MYOF: variants seen among roughly 807,000 people sequenced by gnomAD.
MYOF encodes the protein myoferlin.
Under a neutral mutation model 284.2 loss-of-function variants are expected in MYOF, and 244 were observed. The ratio of observed to expected loss-of-function variants is 0.86; its 90% CI spans 0.77 to 0.95. The LOEUF (loss-of-function observed/expected upper bound fraction) is 0.95, where lower values mean the gene tolerates loss of function less well. MYOF is among the 40% of genes least tolerant of loss of function. MYOF has a pLI of 0.00. For synonymous variants in MYOF, 904 were observed against 919.7 expected (o/e 0.98, Z 0.31); for missense variants, 2,496 against 2,560.6 (o/e 0.97, Z 0.54).
At chr10:93,437,853 G>A (rs182963845) in intron 3 of MYOF, among the ~76,000 whole-genome samples, 6 of 152,202 alleles carry the variant, frequency 3.9e-5, no homozygotes, top group Admixed American at 3.3e-4. Context: ...CTGATCCCCC[G>A]CCAAAAGGCA....
intron 50 of MYOF, 103 bp from the exon 51 acceptor site, chr10:93,313,313 T>G: frequency 9.0e-7 from 1 of 1,109,052 alleles, no homozygotes; most frequent in East Asian, 2.5e-5. Flanking sequence ...ACACAGTGAT[T>G]TTGAACAGGT....
Position 93,402,362 on chromosome 10 carries a change from G to T in MYOF, c.875-15C>A. The T allele has an allele frequency of 1.3e-6, 2 of 1,585,542 alleles. No individual in the cohort carries two copies. Among genetic ancestry groups the T allele is most frequent in the African/African-American group, 1.3e-5 (1 of 74,414 alleles). On this transcript the variant is annotated splice_polypyrimidine_tract_variant and intron_variant, in intron 10 of 53. Transcript: ENST00000359263. ...GACAGCATGGCCTAAAATAGAGAAG[G>T]AGTAAAAGGAAATGGACATGCTAAA...
intron 29 of MYOF, among the ~76,000 whole-genome samples, chr10:93,358,080 C>G (rs560802073): frequency 6.6e-6 from 1 of 152,226 alleles, no homozygotes; most frequent in East Asian, 1.9e-4. Context: ...TATCCAGAAT[C>G]TACAAGCAAT....
chr10:93,369,676 G>T lies in MYOF; in HGVS notation c.2558C>A (p.Ala853Glu). The change falls in exon 25 of 54, where the codon GCA becomes GAA. Residue 853 changes from alanine (A) to glutamate (E), a missense_variant. This residue lies in a region of MYOF where 2,436 missense variants were observed against 2,480.7 expected (regional missense o/e 0.98). Transcript: ENST00000359263. ...AGCAAAGACGGTGAAAGTTCCTTCT[G>T]CGAAGCTGTTAAACTTCTTCTCCAC... is the stretch of plus-strand genomic sequence containing the variant. ...SAVEKKFNSF[A>E]EGTFTVFAEM... 6.2e-7 allele frequency: 1 copy of T among 1,614,204 alleles called. No homozygotes were observed. The highest frequency in any genetic ancestry group is 8.5e-7 in the Non-Finnish European group (1 of 1,180,032).
In MYOF at chr10:93,342,089, C is replaced by T. The variant is rs145100029; in HGVS notation, c.4326+1767G>A. 4.7e-4 allele frequency: 264 copies of T among 565,984 alleles called. 1 individual carries two copies. The East Asian group carries it at 8.0e-3, about 17-fold the overall frequency. 35.1% of individuals were successfully genotyped at this position (565,984 alleles called of 1,614,324 possible). ...ACTTTTCTTGTGATAGTGCTCAGCC[C>T]ATTTGTTAAGAATTTCCATGGACAT... On this transcript the variant is annotated intron_variant, in intron 38 of 53. Coordinates refer to ENST00000359263, the MANE Select transcript of MYOF (RefSeq NM_013451.4).
In MYOF at chr10:93,369,110, C is replaced by CTTTTTTTTTTTTTTTTTTTTTTTTTT. The variant is rs66923086; in HGVS notation, c.2589+534_2589+535insAAAAAAAAAAAAAAAAAAAAAAAAAA. On this transcript the variant is annotated intron_variant, in intron 25 of 53. Coordinates refer to ENST00000359263, the MANE Select transcript of MYOF (RefSeq NM_013451.4). Reference sequence around the variant, plus strand: ...TATTGTTTTAGAAGTATTCAGACAGCTTTTTTTTTTTTTTTTTTTTTTGCC... The same window carrying CTTTTTTTTTTTTTTTTTTTTTTTTTT: ...TATTGTTTTAGAAGTATTCAGACAGCTTTTTTTTTTTTTTTTTTTTTTTTTTTTTTTTTTTTTTTTTTTTTTTTGCC... Among the ~76,000 whole-genome samples, 18 of 78,312 alleles carry CTTTTTTTTTTTTTTTTTTTTTTTTTT rather than the reference C, an allele frequency of 2.3e-4. 7 individuals carry two copies. Among genetic ancestry groups the CTTTTTTTTTTTTTTTTTTTTTTTTTT allele is most frequent in the African/African-American group, 1.0e-3 (16 of 15,448 alleles). The allele number at this position is 78,312 out of a possible 152,430, so 51.4% of individuals were successfully genotyped here.
chr10:93,406,097 A>G (rs530153440), intron 7 of MYOF, among the ~76,000 whole-genome samples: 2 of 151,088 alleles, frequency 1.3e-5, no homozygotes, highest in South Asian at 2.1e-4. Flanking sequence ...AGCTGGGACT[A>G]CAGGTGTGTG....
rs1441321801 is a variant in MYOF, at chr10:93,378,699, A to ATATATATATATATATATATATATG, written c.2001+1163_2001+1164insCATATATATATATATATATATATA. Among the ~76,000 whole-genome samples, 239 of 93,290 alleles carry ATATATATATATATATATATATATG rather than the reference A, an allele frequency of 2.6e-3. 4 individuals are homozygous for ATATATATATATATATATATATATG. The highest frequency in any genetic ancestry group is 0.011 in the African/African-American group (231 of 21,944). 61.2% of individuals were successfully genotyped at this position (93,290 alleles called of 152,430 possible). The stretch of plus-strand genomic sequence containing the variant: ...TGTGTGTATGTGTGTGTGTGTATAT[A>ATATATATATATATATATATATATG]TATATATATATATATATGTATATAT... On this transcript the variant is annotated intron_variant, in intron 21 of 53. Transcript: ENST00000359263.
rs1171316633 is a variant in MYOF, at chr10:93,403,944, G to A, written c.843+79C>T. 6.8e-6 allele frequency: 10 copies of A among 1,467,078 alleles called. No individual in the cohort carries two copies. In the African/African-American group the frequency reaches 1.3e-4, roughly 19 times the overall value. 90.9% of individuals were successfully genotyped at this position (1,467,078 alleles called of 1,614,324 possible). A position where few individuals can be genotyped will look rare whatever the true frequency, so the allele number is the denominator to read the frequency against. Reference sequence around the variant, plus strand: ...CACATTCCCAAGATGCCACCAAGATGCGTACATAGGAATCAGATTTCTATT... The same window carrying A: ...CACATTCCCAAGATGCCACCAAGATACGTACATAGGAATCAGATTTCTATT... On this transcript the variant is annotated intron_variant, in intron 9 of 53. Transcript: ENST00000359263.
At chr10:93,475,492 C>A (rs2057239517) in intron 1 of MYOF, among the ~76,000 whole-genome samples, 2 of 152,162 alleles carry the variant, frequency 1.3e-5, no homozygotes, top group Non-Finnish European at 2.9e-5. Context: ...CTTTGCTAAG[C>A]CTCATTCACA....
intron 53 of MYOF, among the ~76,000 whole-genome samples, 187 bp from the exon 54 acceptor site, chr10:93,307,188 A>C (rs1466679321): frequency 2.7e-4 from 30 of 112,028 alleles, no homozygotes; most frequent in Middle Eastern, 4.6e-3. Context: ...TGCCAGTAGC[A>C]CCCCCCCGCC....
chr10:93,330,396 C>T (rs1843246145), intron 43 of MYOF, among the ~76,000 whole-genome samples: 1 of 152,152 alleles, frequency 6.6e-6, no homozygotes, highest in Non-Finnish European at 1.5e-5. Context: ...AGGTTCCCTC[C>T]TCTGCCTCAA....
chr10:93,432,164 G>C (rs1323670727), intron 3 of MYOF, among the ~76,000 whole-genome samples: 1 of 152,106 alleles, frequency 6.6e-6, no homozygotes, highest in East Asian at 1.9e-4. Flanking sequence ...GAGGTAGAAG[G>C]ATCAATTGAG....
intron 37 of MYOF, among the ~76,000 whole-genome samples, chr10:93,347,280 C>T (rs916790055): frequency 2.0e-5 from 3 of 151,036 alleles, no homozygotes; most frequent in Non-Finnish European, 4.4e-5. Context: ...CGGCCGGGCG[C>T]GGTGGCTCAC....
intron 19 of MYOF, among the ~76,000 whole-genome samples, chr10:93,387,274 GGGCATCCATGAGCT>G (rs1332215768): frequency 6.6e-6 from 1 of 152,214 alleles, no homozygotes; most frequent in East Asian, 1.9e-4. Flanking sequence ...GCGGGCAGAG[GGGCATCCATGAGCT>G]GGCTGTGCTG....
chr10:93,347,788 G>T lies in MYOF; in HGVS notation c.4084-6C>A, dbSNP rs764098329. 6.2e-7 allele frequency: 1 copy of T among 1,606,388 alleles called. No individual in the cohort carries two copies. The highest frequency in any genetic ancestry group is 1.7e-5 in the Admixed American group (1 of 59,392). The stretch of plus-strand genomic sequence containing the variant: ...AATTCCTCCTTGGGCAAGAACTGGG[G>T]GTCACAAAGGTAGGTTTCATTTCTC... On this transcript the variant is annotated splice_region_variant and splice_polypyrimidine_tract_variant and intron_variant, in intron 36 of 53. Coordinates refer to ENST00000359263, the MANE Select transcript of MYOF (RefSeq NM_013451.4).
intron 32 of MYOF, 45 bp downstream of exon 32, chr10:93,353,766 C>A: frequency 6.9e-7 from 1 of 1,444,202 alleles, no homozygotes; most frequent in Non-Finnish European, 9.5e-7. Context: ...AGCAAAATAG[C>A]ATGCTATGTA....
intron 3 of MYOF, among the ~76,000 whole-genome samples, chr10:93,442,037 C>CAG (rs1340254907): frequency 5.1e-4 from 62 of 121,260 alleles, no homozygotes; most frequent in Admixed American, 3.9e-3. Context: ...CACACACACA[C>CAG]ACACAGAATA....
rs199644203 is a variant in MYOF, at chr10:93,351,833, A to G, written c.3495T>C (p.His1165=). 21 of 1,585,300 alleles carry G rather than the reference A, an allele frequency of 1.3e-5. No homozygotes were observed. The highest frequency in any genetic ancestry group is 1.7e-4 in the Middle Eastern group (1 of 5,974). Residue 1165 remains histidine (H), a synonymous_variant, in exon 33 of 54, where the codon CAT becomes CAC. Coordinates refer to ENST00000359263, the MANE Select transcript of MYOF (RefSeq NM_013451.4). ...TTTTGCTCCGATGGAGGAAACAGAT[A>G]TGAGCATATGGATCTAAAACAGAAA... ...DKDSFSDPYA[H]ICFLHRSKTT... is the part of the protein sequence containing the mutation.
Sources: allele counts gnomAD v4.1 joint callset (sites outside exome capture counted in the v4.1 genomes callset), GRCh38; gene constraint gnomAD v4.1.1; regional missense constraint gnomAD v4.1.1; transcripts MANE v1.5; gene names NCBI Gene and HGNC (gene_info 2026-07-23, HGNC 2026-07-21).